The following NOL6 variants were observed in gnomAD, a reference collection of about 807,000 sequenced individuals.
The protein encoded by NOL6 is nucleolar protein 6.
In NOL6, 33 loss-of-function variants were observed where a neutral mutation model predicts 131.7. The observed-to-expected ratio is 0.25, with a 90% CI of 0.19 to 0.33. NOL6 has a LOEUF of 0.33. NOL6 is among the 10% of genes least tolerant of loss of function. The pLI is 1.00. For missense variants in NOL6, 1,297 were observed against 1,494.5 expected (o/e 0.87, Z 2.18); for synonymous variants, 580 against 605.7 (o/e 0.96, Z 0.62).
At position 33,469,003 on chromosome 9, in the gene NOL6, G is replaced by T; in HGVS notation, c.981C>A (p.Gly327=). The change falls in exon 7 of 26, where the codon GGC becomes GGA. Residue 327 remains glycine, a synonymous_variant. Transcript: ENST00000297990. ...ILSSAQGLKD[G]VALLKVWLRQ... ...GCAGCCAGACCTTCAGAAGTGCCAC[G>T]CCATCCTTCAGGCCCTGGGCTGAAC... is the stretch of plus-strand genomic sequence containing the variant. 6.2e-7 allele frequency: 1 copy of T among 1,614,154 alleles called. No homozygotes were observed. Among genetic ancestry groups the T allele is most frequent in the Non-Finnish European group, 8.5e-7 (1 of 1,180,016 alleles).
At chr9:33,464,839 G>A (rs1179916347) in intron 21 of NOL6, 40 bp downstream of exon 21, 2 of 1,431,144 alleles carry the variant, frequency 1.4e-6, no homozygotes, top group Non-Finnish European at 2.0e-6. Context: ...TCCATAAAGA[G>A]CTGTTCTTCC....
rs752935493 is a variant in NOL6 at position 33,466,444 on chromosome 9, T to C, written c.2092-19A>G. 1 of 1,613,660 alleles carries C rather than the reference T, an allele frequency of 6.2e-7. No homozygotes were observed. The highest frequency in any genetic ancestry group is 2.2e-5 in the East Asian group (1 of 44,874). ...GGAACACCTGTGGAAGAAGAGGGGC[T>C]GAGGAATGGGCCTAGGACTGGGAGG... On this transcript the variant is annotated intron_variant, in intron 16 of 25. Coordinates refer to ENST00000297990, the MANE Select transcript of NOL6 (RefSeq NM_022917.5).
In NOL6 at chr9:33,462,771, C is replaced by T; in HGVS notation, c.3334G>A (p.Glu1112Lys). ...KGRMVMSRGG[E>K]LVMVPNVEAI... ...TCAACATTGGGCACCATTACTAGCT[C>T]CCCACCTCGAGACATCACCATGCGC... Residue 1112 changes from glutamate to lysine, a missense_variant, in exon 26 of 26, where the codon GAG (glutamate) becomes AAG (lysine). Glu to Lys is a moderately conservative substitution (Grantham distance 56). Coordinates refer to ENST00000297990, the MANE Select transcript of NOL6 (RefSeq NM_022917.5). 6 of 1,614,166 alleles carry T rather than the reference C, an allele frequency of 3.7e-6. No individual in the cohort carries two copies. The highest frequency in any genetic ancestry group is 5.1e-6 in the Non-Finnish European group (6 of 1,180,040).
rs1827288610 is a variant in NOL6 at position 33,467,794 on chromosome 9, C to A, written c.1499G>T (p.Gly500Val). The A allele has an allele frequency of 1.2e-6, 2 of 1,611,620 alleles. No homozygotes were observed. Among genetic ancestry groups the A allele is most frequent in the African/African-American group, 1.3e-5 (1 of 74,948 alleles). Residue 500 changes from glycine (G) to valine (V), a missense_variant, in exon 12 of 26, where the codon GGG becomes GTG. Coordinates refer to ENST00000297990, the MANE Select transcript of NOL6 (RefSeq NM_022917.5). This position sits in a 1 kb window ranked among gnomAD's most constrained non-coding sequence, Gnocchi z 4.4. The part of the protein sequence containing the change: ...KLWPELQDNG[G>V]DYVSAALGPL... ...GCCCAAAGCAGCTGAGACATAGTCC[C>A]CACCATTGTCCTGCAGCTCTGGCCA... is the stretch of plus-strand genomic sequence containing the variant.
chr9:33,466,735 G>T, intron 15 of NOL6, 26 bp from the exon 16 acceptor site: 1 of 1,612,252 alleles, frequency 6.2e-7, no homozygotes, highest in East Asian at 2.2e-5. Context: ...CGGTCAGGAG[G>T]CTGGACCCTA....
rs189585903 is a variant in NOL6 at position 33,471,982 on chromosome 9, G to C, written c.378+22C>G. 1.5e-5 allele frequency: 24 copies of C among 1,566,048 alleles called. No individual in the cohort carries two copies. In the East Asian group the frequency reaches 4.9e-4, roughly 32 times the overall value. On this transcript the variant is annotated intron_variant, in intron 3 of 25. Coordinates refer to ENST00000297990, the MANE Select transcript of NOL6 (RefSeq NM_022917.5). ...CTGGAGGTCTCTCTTGGGCTTCCCA[G>C]TTCCCCAGGCCACTTGCTTACCTCT...
chr9:33,469,355 T>G lies in NOL6; in HGVS notation c.728-14A>C. The G allele has an allele frequency of 6.2e-7, 1 of 1,614,014 alleles. No individual in the cohort carries two copies. Among genetic ancestry groups the G allele is most frequent in the South Asian group, 1.1e-5 (1 of 91,082 alleles). On this transcript the variant is annotated splice_polypyrimidine_tract_variant and intron_variant, in intron 5 of 25. Transcript: ENST00000297990. Reference sequence around the variant, plus strand: ...GCTCATCCTTTCCTGCCAGAGACAGTGAGTGCTGAGACTCTGCAGGAGCCC... The same window carrying G: ...GCTCATCCTTTCCTGCCAGAGACAGGGAGTGCTGAGACTCTGCAGGAGCCC...
intron 21 of NOL6, 139 bp downstream of exon 21, chr9:33,464,740 T>G: frequency 1.5e-6 from 1 of 645,322 alleles, no homozygotes; most frequent in Non-Finnish European, 2.8e-6. Flanking sequence ...GCTGTTCACC[T>G]GGACCTCTTC....
rs35291866 is a variant in NOL6 at position 33,467,125 on chromosome 9, G to A, written c.1863C>T (p.His621=). 0.011 allele frequency: 18,435 copies of A among 1,614,164 alleles called. 137 individuals are homozygous for A. Among genetic ancestry groups the A allele is most frequent in the Non-Finnish European group, 0.014 (16,259 of 1,180,028 alleles). The stretch of plus-strand genomic sequence containing the variant: ...ATGCCAACACTCACAGTGCCAAGAG[G>A]TGGGTGACCACCTGGTGGGGAATAA... ...KRLIPHQVVT[H]LLALHADIPE... Residue 621 remains histidine, a synonymous_variant, in exon 14 of 26, where the codon CAC becomes CAT. Coordinates refer to ENST00000297990, the MANE Select transcript of NOL6 (RefSeq NM_022917.5). The surrounding 1 kb of genome is among the most constrained non-coding windows in gnomAD (Gnocchi z 4.4).
At position 33,463,364 on chromosome 9, in the gene NOL6, C is replaced by T; in HGVS notation, c.3072G>A (p.Gln1024=). The change falls in exon 24 of 26, where the codon CAG becomes CAA. Residue 1024 remains glutamine, a synonymous_variant. Transcript: ENST00000297990. ...AGGAGGCAGCTGGCGAGTCCACAGCCTGGCGGTGCCGCGGGATATGGCGAG... is the reference window on the plus strand; with the variant it reads ...AGGAGGCAGCTGGCGAGTCCACAGCTTGGCGGTGCCGCGGGATATGGCGAG... The part of the protein sequence containing the change: ...LSPRHIPRHR[Q]AVDSPAASFC... The T allele has an allele frequency of 6.2e-7, 1 of 1,614,144 alleles. No homozygotes were observed. The highest frequency in any genetic ancestry group is 8.5e-7 in the Non-Finnish European group (1 of 1,179,994).
In NOL6 at chr9:33,472,394, C is replaced by T. The variant is rs2119035396; in HGVS notation, c.73G>A (p.Glu25Lys). ...GEPEVMEPAL[E>K]GTGKEGKKAS... Reference sequence around the variant, plus strand: ...TTCTTCCCCTCTTTGCCTGTGCCTTCCAGGGCTGGTTCCATCACCTGTGGC... The same window carrying T: ...TTCTTCCCCTCTTTGCCTGTGCCTTTCAGGGCTGGTTCCATCACCTGTGGC... The change falls in exon 2 of 26, where the codon GAA becomes AAA. Residue 25 changes from glutamate (E) to lysine (K), a missense_variant. By Grantham distance (56) the Glu-to-Lys change is moderately conservative. Coordinates refer to ENST00000297990, the MANE Select transcript of NOL6 (RefSeq NM_022917.5). The T allele has an allele frequency of 6.2e-7, 1 of 1,613,930 alleles. No homozygotes were observed. Among genetic ancestry groups the T allele is most frequent in the Non-Finnish European group, 8.5e-7 (1 of 1,179,952 alleles).
intron 7 of NOL6, 37 bp downstream of exon 7, chr9:33,468,921 G>A (rs1352784620): frequency 6.2e-7 from 1 of 1,613,984 alleles, no homozygotes; most frequent in East Asian, 2.2e-5. Context: ...CATCACACAG[G>A]CGCTCAGGTA....
At chr9:33,463,791 T>A (rs1023413744) in intron 23 of NOL6, 40 bp downstream of exon 23, 22 of 1,599,450 alleles carry the variant, frequency 1.4e-5, no homozygotes, top group Non-Finnish European at 1.7e-5. Flanking sequence ...AAAGACAGAA[T>A]CCCCAGAGGC....
chr9:33,467,978 T>C lies in NOL6; in HGVS notation c.1424+52A>G. ...TCTGAAGACCTTTGCCCCACCACTG[T>C]AGCCCCGAAGAGACAGGACCCGCCA... On this transcript the variant is annotated intron_variant, in intron 11 of 25. Coordinates refer to ENST00000297990, the MANE Select transcript of NOL6 (RefSeq NM_022917.5). This position sits in a 1 kb window ranked among gnomAD's most constrained non-coding sequence, Gnocchi z 4.4. The C allele has an allele frequency of 6.2e-7, 1 of 1,613,142 alleles. No individual in the cohort carries two copies. The highest frequency in any genetic ancestry group is 8.5e-7 in the Non-Finnish European group (1 of 1,179,364).
At position 33,462,637 on chromosome 9, in the gene NOL6, C is replaced by T. The variant is rs370031221; in HGVS notation, c.*27G>A. ...TCTAGAGGTCCAATGTCCTGCTGTC[C>T]GTCTACAGCTTGCTCCAGAGCTGGG... On this transcript the variant is annotated 3_prime_UTR_variant, in exon 26 of 26. Coordinates refer to ENST00000297990, the MANE Select transcript of NOL6 (RefSeq NM_022917.5). 1.7e-5 allele frequency: 27 copies of T among 1,611,700 alleles called. No homozygotes were observed. The highest frequency in any genetic ancestry group is 2.2e-5 in the South Asian group (2 of 90,950).
chr9:33,467,257 A>C lies in NOL6; in HGVS notation c.1731T>G (p.Ala577=), dbSNP rs890043435. 1 of 1,614,142 alleles carries C rather than the reference A, an allele frequency of 6.2e-7. No homozygotes were observed. Among genetic ancestry groups the C allele is most frequent in the East Asian group, 2.2e-5 (1 of 44,878 alleles). Residue 577 remains alanine (A), a synonymous_variant, in exon 14 of 26, where the codon GCT becomes GCG. Coordinates refer to ENST00000297990, the MANE Select transcript of NOL6 (RefSeq NM_022917.5). This position sits in a 1 kb window ranked among gnomAD's most constrained non-coding sequence, Gnocchi z 4.4. ...LGPEADQPEA[A]KFRQFWGSRS... is the part of the protein sequence containing the mutation. Reference sequence around the variant, plus strand: ...GGGATCCCCAGAACTGGCGGAATTTAGCAGCCTGAGGAGGCAAGGGTGGTA... The same window carrying C: ...GGGATCCCCAGAACTGGCGGAATTTCGCAGCCTGAGGAGGCAAGGGTGGTA...
rs1362812285 is a variant in NOL6, at chr9:33,467,139, G to C, written c.1849C>G (p.Gln617Glu). 4 of 1,614,096 alleles carry C rather than the reference G, an allele frequency of 2.5e-6. No individual in the cohort carries two copies. In the African/African-American group the frequency reaches 4.0e-5, roughly 16 times the overall value. Residue 617 changes from glutamine to glutamate, a missense_variant, in exon 14 of 26, where the codon CAG becomes GAG. Transcript: ENST00000297990. The surrounding 1 kb of genome is among the most constrained non-coding windows in gnomAD (Gnocchi z 4.4). ...AGTGCCAAGAGGTGGGTGACCACCT[G>C]GTGGGGAATAAGGCGCTTCTGGGAC... ...SMSQKRLIPH[Q>E]VVTHLLALHA...
rs78504369 is a variant in NOL6 at position 33,463,130 on chromosome 9, G to C, written c.3194C>G (p.Ala1065Gly). 4.3e-5 allele frequency: 69 copies of C among 1,612,864 alleles called. No homozygotes were observed. The highest frequency in any genetic ancestry group is 5.4e-5 in the Non-Finnish European group (64 of 1,179,348). Reference protein sequence around the residue: ...PQLYLTQLREAFGDLALFFYD... With the variant: ...PQLYLTQLREGFGDLALFFYD... ...GAAGAAAAGGGCCAGATCCCCAAAG[G>C]CCTCCTAGAAAGGGACAGAACAGAG... The change falls in exon 25 of 26, where the codon GCC becomes GGC. Residue 1065 changes from alanine to glycine, a missense_variant. Physicochemically the swap from Ala to Gly is moderately conservative, Grantham distance 60 (BLOSUM62 0). Coordinates refer to ENST00000297990, the MANE Select transcript of NOL6 (RefSeq NM_022917.5).
rs757830344 is a variant in NOL6, at chr9:33,464,106, G to A, written c.2835C>T (p.Pro945=). The change falls in exon 22 of 26, where the codon CCC becomes CCT. Residue 945 remains proline (P), a synonymous_variant. Transcript: ENST00000297990. ...CTTGGGGGGTAACAATGACCATGAC[G>A]GGGAGCTGTGCCCGAGCTGCCAGGA... The part of the protein sequence containing the change: ...SGFLAARAQL[P]VMVIVTPQDR... The A allele has an allele frequency of 1.4e-5, 22 of 1,613,454 alleles. No individual in the cohort carries two copies. The highest frequency in any genetic ancestry group is 5.5e-5 in the South Asian group (5 of 90,994).
Sources: allele counts gnomAD v4.1 joint callset, GRCh38; gene constraint gnomAD v4.1.1; non-coding constraint Gnocchi (gnomAD v3.1); transcripts MANE v1.5; gene names NCBI Gene and HGNC (gene_info 2026-07-23, HGNC 2026-07-21).